The following TBC1D31 variants were observed in gnomAD, a reference collection of about 807,000 sequenced individuals.
The protein encoded by TBC1D31 is TBC1 domain family member 31, also known as WD repeat domain 67.
A neutral mutation model predicts 132.9 loss-of-function variants in TBC1D31; 99 were observed. The observed-to-expected ratio is 0.74, with a 90% CI of 0.63 to 0.88. The LOEUF is 0.88. Ranked by LOEUF, TBC1D31 falls within the 40% of genes least tolerant of loss-of-function variation. The pLI, the probability that TBC1D31 is intolerant of heterozygous loss-of-function variation, is 0.00. For missense variants in TBC1D31, 1,134 were observed against 1,256.6 expected, an observed-to-expected ratio of 0.90 and a Z score of 1.48; for synonymous variants, 385 against 419.4, an observed-to-expected ratio of 0.92 and a Z score of 1.00.
chr8:123,157,719 G>GCACA, the TBC1D31 span, among the ~76,000 whole-genome samples: 835 of 147,988 alleles, frequency 5.6e-3, 5 homozygotes, highest in South Asian at 0.019. Context: ...GCGCGCGCGC[G>GCACA]CACACACACA....
Position 123,083,445 on chromosome 8 carries a change from A to T in TBC1D31, c.340+628A>T, listed in dbSNP as rs529891246. On this transcript the variant is annotated intron_variant, in intron 3 of 21. Transcript: ENST00000287380. ...TTTTTTATTTTTTATTTTTTTAGAG[A>T]TAGGGTTTTGTCATGTTGCCCAGGT... 10 of 151,342 alleles carry T rather than the reference A, an allele frequency of 6.6e-5. No homozygotes were observed. In the East Asian group the frequency reaches 1.6e-3, roughly 23 times the overall value. The allele number at this position is 151,342 out of a possible 1,614,324, so 9.4% of individuals were successfully genotyped here.
intron 8 of TBC1D31, among the ~76,000 whole-genome samples, chr8:123,106,863 A>C (rs950135914): frequency 6.6e-6 from 1 of 152,238 alleles, no homozygotes; most frequent in Non-Finnish European, 1.5e-5. Context: ...CAGCAAAGGG[A>C]AAAGACACAT....
At chr8:123,127,796 G>T (rs1820215824) in intron 13 of TBC1D31, 2 of 152,402 alleles carry the variant, frequency 1.3e-5, no homozygotes, top group African/African-American at 4.8e-5. Flanking sequence ...TTGGGTTCTT[G>T]TGTGTGTGTG....
downstream of TBC1D31, among the ~76,000 whole-genome samples, chr8:123,155,450 G>A (rs1563767853): frequency 1.3e-5 from 2 of 152,160 alleles, no homozygotes; most frequent in Non-Finnish European, 2.9e-5. This position sits in a 1 kb window ranked among gnomAD's most constrained non-coding sequence, Gnocchi z 4.1. Context: ...GCAGCAGGGC[G>A]GTAGTAGTAG....
At position 123,128,315 on chromosome 8, in the gene TBC1D31, A is replaced by G. The variant is rs140575323; in HGVS notation, c.1919A>G (p.Asn640Ser). The G allele has an allele frequency of 3.8e-5, 62 of 1,612,298 alleles. 1 individual carries two copies. The African/African-American group carries it at 6.5e-4, about 17-fold the overall frequency. ...FFHHRNNLDI[N>S]VVIRQVYHLM... ...CACCATCGGAATAACCTGGATATAA[A>G]TGTTGTGATTAGACAAGTTTATCAT... The change falls in exon 14 of 22, where the codon AAT becomes AGT. Residue 640 changes from asparagine (N) to serine (S), a missense_variant. Transcript: ENST00000287380.
At chr8:123,108,754 A>G (rs965788278) in intron 8 of TBC1D31, among the ~76,000 whole-genome samples, 3 of 152,210 alleles carry the variant, frequency 2.0e-5, no homozygotes, top group African/African-American at 7.2e-5. Flanking sequence ...TTATAAAGAA[A>G]GGAGGATTAA....
At chr8:123,090,554 G>T (rs1816218706) in intron 4 of TBC1D31, among the ~76,000 whole-genome samples, 1 of 152,136 alleles carries the variant, frequency 6.6e-6, no homozygotes, top group South Asian at 2.1e-4. Context: ...TTCAGCCTGT[G>T]TACCCAGGAC....
At position 123,126,551 on chromosome 8, in the gene TBC1D31, T is replaced by G; in HGVS notation, c.1748T>G (p.Leu583Arg). Reference sequence around the variant, plus strand: ...CTTGAAACTGTGTTCTCAGAAGTGCTGACAAGAGAGGAGTGGCTGAAATTG... The same window carrying G: ...CTTGAAACTGTGTTCTCAGAAGTGCGGACAAGAGAGGAGTGGCTGAAATTG... ...PLLETVFSEV[L>R]TREEWLKLFD... Residue 583 changes from leucine to arginine, a missense_variant, in exon 13 of 22, where the codon CTG (leucine) becomes CGG (arginine). Leu to Arg is a moderately radical substitution (Grantham distance 102, BLOSUM62 -2). Transcript: ENST00000287380. 1 of 1,614,158 alleles carries G rather than the reference T, an allele frequency of 6.2e-7. No individual in the cohort carries two copies. The highest frequency in any genetic ancestry group is 8.5e-7 in the Non-Finnish European group (1 of 1,180,014).
intron 10 of TBC1D31, among the ~76,000 whole-genome samples, chr8:123,110,050 C>T (rs1057095541): frequency 1.3e-4 from 20 of 152,160 alleles, no homozygotes; most frequent in Non-Finnish European, 2.4e-4. Flanking sequence ...GCTGAGATCA[C>T]GCCATTTTAC....
chr8:123,157,187 C>T, the TBC1D31 span, among the ~76,000 whole-genome samples: 1 of 152,192 alleles, frequency 6.6e-6, no homozygotes, highest in Non-Finnish European at 1.5e-5. Flanking sequence ...GCAAACAACG[C>T]TTCTTTCCGG....
At chr8:123,074,267 A>G (rs1278218444) in intron 1 of TBC1D31, among the ~76,000 whole-genome samples, 1 of 146,836 alleles carries the variant, frequency 6.8e-6, no homozygotes, top group East Asian at 2.1e-4. Flanking sequence ...TGATCCACCC[A>G]CCTTGGCCTC....
downstream of TBC1D31, among the ~76,000 whole-genome samples, chr8:123,155,471 G>C (rs1477562825): frequency 6.6e-6 from 1 of 152,158 alleles, no homozygotes; most frequent in Non-Finnish European, 1.5e-5. This position sits in a 1 kb window ranked among gnomAD's most constrained non-coding sequence, Gnocchi z 4.1. Flanking sequence ...TAAAGGATTT[G>C]GGGCTACTGG....
chr8:123,120,447 G>C (rs1248007064), intron 11 of TBC1D31, among the ~76,000 whole-genome samples: 4 of 152,162 alleles, frequency 2.6e-5, no homozygotes, highest in Non-Finnish European at 5.9e-5. Context: ...TGAGGCAGGC[G>C]GATCACCTGA....
At chr8:123,120,222 A>G in intron 11 of TBC1D31, 34 bp downstream of exon 11, 1 of 1,530,900 alleles carries the variant, frequency 6.5e-7, no homozygotes. Flanking sequence ...TAAGATCAAG[A>G]ATGGATTCTT....
chr8:123,080,529 C>CTTTTTTTTTTTTTTTTT (rs57694076), intron 2 of TBC1D31, among the ~76,000 whole-genome samples: 1 of 76,320 alleles, frequency 1.3e-5, no homozygotes, highest in Non-Finnish European at 2.3e-5. Context: ...TTCTTTTATT[C>CTTTTTTTTTTTTTTTTT]TTTTTTTTTT....
Position 123,097,416 on chromosome 8 carries a change from A to ATAGT in TBC1D31, c.808_811dup (p.Phe271Ter). ...ATTCGCCATCTGGAATTTCTTCCTG[A>ATAGT]TAGTTTTGATGCTGGTTCTAATCAG... is the stretch of plus-strand genomic sequence containing the variant. On this transcript the variant is annotated frameshift_variant, in exon 6 of 22. Coordinates refer to ENST00000287380, the MANE Select transcript of TBC1D31 (RefSeq NM_145647.4). LOFTEE classifies it high-confidence loss of function. 6.2e-7 allele frequency: 1 copy of ATAGT among 1,614,172 alleles called. No homozygotes were observed. Among genetic ancestry groups the ATAGT allele is most frequent in the Non-Finnish European group, 8.5e-7 (1 of 1,180,018 alleles).
chr8:123,145,319 G>C (rs1041682633), intron 20 of TBC1D31, among the ~76,000 whole-genome samples: 2 of 152,164 alleles, frequency 1.3e-5, no homozygotes, highest in African/African-American at 4.8e-5. Context: ...GGTGGGAAAG[G>C]GTGGGCTGAG....
At chr8:123,078,985 A>G (rs1483555347) in intron 2 of TBC1D31, among the ~76,000 whole-genome samples, 1 of 152,228 alleles carries the variant, frequency 6.6e-6, no homozygotes, top group African/African-American at 2.4e-5. Flanking sequence ...ACCTGATAGG[A>G]TGCAGTGAAA....
At chr8:123,142,188 CATTGAATGGTTAT>C in intron 18 of TBC1D31, 61 bp from the exon 19 acceptor site, 2 of 1,120,674 alleles carry the variant, frequency 1.8e-6, no homozygotes, top group South Asian at 3.7e-5. Context: ...CACTTGGATA[CATTGAATGGTTAT>C]ACCTTCATTT....
Sources: allele counts gnomAD v4.1 joint callset (sites outside exome capture counted in the v4.1 genomes callset), GRCh38; gene constraint gnomAD v4.1.1; non-coding constraint Gnocchi (gnomAD v3.1); transcripts MANE v1.5; gene names NCBI Gene and HGNC (gene_info 2026-07-23, HGNC 2026-07-21).